The following RBM27 variants were observed in gnomAD, a reference collection of about 807,000 sequenced individuals.
RBM27 encodes RNA binding motif protein 27, also known as RNA-binding protein 27.
In RBM27, 22 loss-of-function variants were observed where a neutral mutation model predicts 135.3. The observed-to-expected ratio is 0.16, with a 90% CI of 0.12 to 0.23. The LOEUF (loss-of-function observed/expected upper bound fraction) is 0.23. Ranked by LOEUF, RBM27 falls within the 10% of genes least tolerant of loss-of-function variation. RBM27 has a pLI of 1.00. For synonymous variants in RBM27, 481 were observed against 442.4 expected (o/e 1.09, Z -1.10); for missense variants, 1,009 against 1,281.0 (o/e 0.79, Z 3.24).
intron 14 of RBM27, among the ~76,000 whole-genome samples, chr5:146,264,044 T>C (rs1435498856): frequency 1.3e-5 from 2 of 150,908 alleles, no homozygotes; most frequent in East Asian, 3.9e-4. Flanking sequence ...AGGAGGAGGT[T>C]GCAGTGAGCC....
intron 6 of RBM27, among the ~76,000 whole-genome samples, chr5:146,232,150 A>T (rs1756961803): frequency 6.6e-6 from 1 of 152,198 alleles, no homozygotes; most frequent in Admixed American, 6.5e-5. Context: ...TGTTGTTTTA[A>T]TGTATGCTCC....
At chr5:146,205,912 G>A (rs1755624918) in intron 1 of RBM27, among the ~76,000 whole-genome samples, 1 of 152,052 alleles carries the variant, frequency 6.6e-6, no homozygotes, top group Non-Finnish European at 1.5e-5. Context: ...CCAACTACTC[G>A]GGAGGCTGAG....
intron 1 of RBM27, among the ~76,000 whole-genome samples, chr5:146,204,678 C>T (rs888201702): frequency 1.3e-5 from 2 of 151,924 alleles, no homozygotes; most frequent in African/African-American, 4.8e-5. Flanking sequence ...ATAAAAGGAG[C>T]GGTAGAAAGA....
chr5:146,274,222 C>CT (rs202106156), intron 19 of RBM27, among the ~76,000 whole-genome samples: 9,924 of 143,456 alleles, frequency 0.069, 357 homozygotes, highest in African/African-American at 0.083. Flanking sequence ...ACACATACTC[C>CT]TTTTTTTTTT....
intron 9 of RBM27, 110 bp downstream of exon 9, chr5:146,251,985 A>AACTACCTATGAGCTTTAAT: frequency 8.2e-7 from 1 of 1,221,880 alleles, no homozygotes; most frequent in Non-Finnish European, 1.2e-6. Flanking sequence ...GTCCCATTAA[A>AACTACCTATGAGCTTTAAT]GCTCATAGGT....
At chr5:146,207,951 GTTTTT>G (rs11401604) in intron 1 of RBM27, among the ~76,000 whole-genome samples, 3 of 81,210 alleles carry the variant, frequency 3.7e-5, no homozygotes, top group Non-Finnish European at 6.3e-5. Flanking sequence ...GGCCTAACAG[GTTTTT>G]TTTTTTTTTT....
At chr5:146,250,770 C>CTTTTT (rs58027855) in intron 8 of RBM27, among the ~76,000 whole-genome samples, 61 of 72,664 alleles carry the variant, frequency 8.4e-4, no homozygotes, top group East Asian at 1.4e-3. Flanking sequence ...TTTTTTTGTC[C>CTTTTT]TTTTTTTTTT....
chr5:146,203,754 C>A lies in RBM27; in HGVS notation c.-12C>A. ...GAAGAAGAGCGGCGGCCGAGCCCGC[C>A]TTCCCTGCACCATGCTCATAGAGGA... On this transcript the variant is annotated 5_prime_UTR_variant, in exon 1 of 21. Coordinates refer to ENST00000265271, the MANE Select transcript of RBM27 (RefSeq NM_018989.2). 6.5e-7 allele frequency: 1 copy of A among 1,549,540 alleles called. No homozygotes were observed. Among genetic ancestry groups the A allele is most frequent in the Non-Finnish European group, 8.7e-7 (1 of 1,145,938 alleles).
In RBM27 at chr5:146,229,913, G is replaced by C; in HGVS notation, c.589+3G>C. Reference sequence around the variant, plus strand: ...CCGGGATCCAAATAGGAATGTTGGTGAGTAGATGAGTGTCCCCCTAAAAAC... The same window carrying C: ...CCGGGATCCAAATAGGAATGTTGGTCAGTAGATGAGTGTCCCCCTAAAAAC... On this transcript the variant is annotated splice_donor_region_variant and intron_variant, in intron 5 of 20. Coordinates refer to ENST00000265271, the MANE Select transcript of RBM27 (RefSeq NM_018989.2). The C allele has an allele frequency of 1.9e-6, 3 of 1,613,714 alleles. No homozygotes were observed. The highest frequency in any genetic ancestry group is 2.5e-6 in the Non-Finnish European group (3 of 1,179,742).
chr5:146,246,864 G>GTTTT (rs1280123997), intron 8 of RBM27, among the ~76,000 whole-genome samples: 1 of 135,150 alleles, frequency 7.4e-6, no homozygotes, highest in African/African-American at 2.7e-5. Flanking sequence ...TAGTGCTGTG[G>GTTTT]TTTTTTTTTT....
chr5:146,255,080 G>A lies in RBM27; in HGVS notation c.1582G>A (p.Val528Ile), dbSNP rs767469941. The change falls in exon 10 of 21, where the codon GTA becomes ATA. Residue 528 changes from valine to isoleucine, a missense_variant. Val to Ile is a conservative substitution (Grantham distance 29). This residue lies in a region of RBM27 where 329 missense variants were observed against 368.1 expected (regional missense o/e 0.89). Coordinates refer to ENST00000265271, the MANE Select transcript of RBM27 (RefSeq NM_018989.2). ...TGGCCTAACATCTGGAGATATGGAT[G>A]TAAATCCAAGAGGTGAGAATACCTT... ...LIGLTSGDMD[V>I]NPRAANIVIQ... 9 of 1,611,540 alleles carry A rather than the reference G, an allele frequency of 5.6e-6. No homozygotes were observed. The South Asian group carries it at 9.9e-5, about 18-fold the overall frequency.
At chr5:146,274,682 C>T (rs866660099) in intron 19 of RBM27, among the ~76,000 whole-genome samples, 9 of 152,064 alleles carry the variant, frequency 5.9e-5, no homozygotes, top group African/African-American at 1.4e-4. Context: ...TGATTGATCT[C>T]GATCTTTTTG....
chr5:146,273,560 C>T (rs753705340), intron 19 of RBM27, among the ~76,000 whole-genome samples: 3 of 152,152 alleles, frequency 2.0e-5, no homozygotes, highest in Non-Finnish European at 2.9e-5. Context: ...TAGGAGCACA[C>T]TTCCCTGATA....
intron 1 of RBM27, among the ~76,000 whole-genome samples, chr5:146,206,575 A>T (rs1206343746): frequency 6.8e-6 from 1 of 146,968 alleles, no homozygotes; most frequent in Admixed American, 6.8e-5. Context: ...AAAATACTTT[A>T]TTTGTTTGTT....
intron 19 of RBM27, among the ~76,000 whole-genome samples, chr5:146,278,146 G>GT (rs1043838890): frequency 1.3e-5 from 2 of 152,064 alleles, no homozygotes; most frequent in Non-Finnish European, 2.9e-5. Context: ...CTTGAATTTT[G>GT]TTTTTTTATC....
At chr5:146,236,213 C>A (rs1356178577) in intron 7 of RBM27, among the ~76,000 whole-genome samples, 1 of 152,186 alleles carries the variant, frequency 6.6e-6, no homozygotes, top group African/African-American at 2.4e-5. Flanking sequence ...AGTTGAAGGA[C>A]TTGTACTTGT....
chr5:146,237,686 T>G (rs981545384), intron 8 of RBM27, among the ~76,000 whole-genome samples: 1 of 152,104 alleles, frequency 6.6e-6, no homozygotes, highest in Non-Finnish European at 1.5e-5. Flanking sequence ...CAACATTTAG[T>G]CTCTCCTTTT....
At chr5:146,223,151 G>A (rs1478472790) in intron 2 of RBM27, among the ~76,000 whole-genome samples, 2 of 152,026 alleles carry the variant, frequency 1.3e-5, no homozygotes, top group Non-Finnish European at 2.9e-5. Flanking sequence ...TCTTATTCAT[G>A]GAAATTTGAG....
At position 146,269,198 on chromosome 5, in the gene RBM27, C is replaced by T. The variant is rs755420489; in HGVS notation, c.2452-9C>T. The T allele has an allele frequency of 3.8e-6, 6 of 1,578,834 alleles. No homozygotes were observed. The highest frequency in any genetic ancestry group is 3.6e-5 in the Admixed American group (2 of 55,992). ...ATTATCTGTATTAATTTCTTTTTTA[C>T]TTATACAGGAAGCAATGAAGTTACA... On this transcript the variant is annotated splice_polypyrimidine_tract_variant and intron_variant, in intron 15 of 20. Transcript: ENST00000265271.
Sources: allele counts gnomAD v4.1 joint callset (sites outside exome capture counted in the v4.1 genomes callset), GRCh38; gene constraint gnomAD v4.1.1; regional missense constraint gnomAD v4.1.1; transcripts MANE v1.5; gene names NCBI Gene and HGNC (gene_info 2026-07-23, HGNC 2026-07-21).